Variants in LDHC observed in about 807,000 individuals in gnomAD.
LDHC encodes the protein L-lactate dehydrogenase C chain.
Under a neutral mutation model 30.2 loss-of-function variants are expected in LDHC, and 20 were observed. The observed-to-expected ratio is 0.66, with a 90% CI of 0.47 to 0.96. The LOEUF (loss-of-function observed/expected upper bound fraction) is 0.96, where lower values mean the gene tolerates loss of function less well. Ranked by LOEUF, LDHC falls within the 40% of genes least tolerant of loss-of-function variation. The pLI is 0.00. For synonymous variants in LDHC, 139 were observed against 132.7 expected, an observed-to-expected ratio of 1.05 and a Z score of -0.32; for missense variants, 362 against 394.9, an observed-to-expected ratio of 0.92 and a Z score of 0.71.
chr11:18,451,175 G>T lies in LDHC; in HGVS notation c.*48G>T, dbSNP rs763456464. ...CTGTTTGGAGAACAGAAGATAGCAG[G>T]CTGTGTATTTTAAATTTTGAAAGTA... On this transcript the variant is annotated 3_prime_UTR_variant, in exon 8 of 8. Transcript: ENST00000541669. The T allele has an allele frequency of 5.9e-6, 7 of 1,193,728 alleles. No homozygotes were observed. The highest frequency in any genetic ancestry group is 4.1e-5 in the South Asian group (2 of 48,720). 73.9% of individuals were successfully genotyped at this position (1,193,728 alleles called of 1,614,324 possible). A position where few individuals can be genotyped will look rare whatever the true frequency, so the allele number is the denominator to read the frequency against.
At chr11:18,435,648 T>C (rs781718937) in intron 5 of LDHC, among the ~76,000 whole-genome samples, 5 of 152,126 alleles carry the variant, frequency 3.3e-5, no homozygotes, top group Non-Finnish European at 7.3e-5. Context: ...ACCATAAAAT[T>C]CAACCAGCAA....
At chr11:18,433,767 A>G (rs1217338357) in intron 4 of LDHC, among the ~76,000 whole-genome samples, 1 of 152,160 alleles carries the variant, frequency 6.6e-6, no homozygotes, top group Non-Finnish European at 1.5e-5. Flanking sequence ...ACCTGATGAC[A>G]GTGTGCTAGG....
intron 4 of LDHC, among the ~76,000 whole-genome samples, chr11:18,433,198 C>A (rs1411905976): frequency 6.6e-6 from 1 of 152,004 alleles, no homozygotes; most frequent in Non-Finnish European, 1.5e-5. Flanking sequence ...CCAGCCTGCC[C>A]AACATAGTGA....
chr11:18,426,526 CAAA>C (rs33993685), intron 3 of LDHC, among the ~76,000 whole-genome samples: 6 of 111,508 alleles, frequency 5.4e-5, no homozygotes, highest in Non-Finnish European at 7.0e-5. Context: ...GACTCCGTCT[CAAA>C]AAAAAAAAAA....
intron 3 of LDHC, among the ~76,000 whole-genome samples, chr11:18,422,244 T>A (rs1848074298): frequency 6.9e-6 from 1 of 145,232 alleles, no homozygotes; most frequent in Non-Finnish European, 1.5e-5. Context: ...TTAGCAAGGA[T>A]GACAGACAAA....
At chr11:18,423,371 AT>A (rs567103678) in intron 3 of LDHC, among the ~76,000 whole-genome samples, 196 of 152,366 alleles carry the variant, frequency 1.3e-3, no homozygotes, top group African/African-American at 4.4e-3. Flanking sequence ...TTCAAGACTT[AT>A]TATAAAGCAC....
rs549243620 is a variant in LDHC at position 18,429,596 on chromosome 11, C to T, written c.245-141C>T. Reference sequence around the variant, plus strand: ...TCAGATTATAAAGGTTAGAAAAGTCCGTTCATCTCCAAAATGCCAGACATA... The same window carrying T: ...TCAGATTATAAAGGTTAGAAAAGTCTGTTCATCTCCAAAATGCCAGACATA... On this transcript the variant is annotated intron_variant, in intron 3 of 7. Coordinates refer to ENST00000541669, the MANE Select transcript of LDHC (RefSeq NM_017448.5). The T allele has an allele frequency of 4.2e-5, 19 of 457,312 alleles. No homozygotes were observed. In the South Asian group the frequency reaches 5.7e-4, roughly 14 times the overall value. The allele number at this position is 457,312 out of a possible 1,614,324, so 28.3% of individuals were successfully genotyped here.
At chr11:18,444,348 C>G (rs1032343440) in intron 6 of LDHC, among the ~76,000 whole-genome samples, 1 of 151,794 alleles carries the variant, frequency 6.6e-6, no homozygotes, top group Non-Finnish European at 1.5e-5. Flanking sequence ...AGATTTGTCC[C>G]CAGTAATCTA....
At chr11:18,431,099 G>A (rs1342963638) in intron 4 of LDHC, among the ~76,000 whole-genome samples, 3 of 151,752 alleles carry the variant, frequency 2.0e-5, no homozygotes, top group Admixed American at 2.0e-4. Flanking sequence ...CAGCCTGAGT[G>A]GCAGAGTGAA....
chr11:18,442,981 C>G (rs1169360768), intron 6 of LDHC, among the ~76,000 whole-genome samples: 1 of 152,062 alleles, frequency 6.6e-6, no homozygotes, highest in African/African-American at 2.4e-5. Context: ...TTTGGCCAAA[C>G]TATTTCCATA....
intron 5 of LDHC, among the ~76,000 whole-genome samples, chr11:18,436,346 T>C (rs1467912924): frequency 6.6e-6 from 1 of 152,094 alleles, no homozygotes; most frequent in African/African-American, 2.4e-5. Flanking sequence ...TGTTTTCCAT[T>C]GGATCTACTT....
At chr11:18,421,871 C>T (rs999264852) in intron 3 of LDHC, among the ~76,000 whole-genome samples, 1 of 152,114 alleles carries the variant, frequency 6.6e-6, no homozygotes, top group Admixed American at 6.6e-5. Flanking sequence ...TGCCTGTAGT[C>T]TCAGCACTTT....
At position 18,434,867 on chromosome 11, in the gene LDHC, C is replaced by A; in HGVS notation, c.546C>A (p.Pro182=). 1 of 1,613,292 alleles carries A rather than the reference C, an allele frequency of 6.2e-7. No homozygotes were observed. Among genetic ancestry groups the A allele is most frequent in the Non-Finnish European group, 8.5e-7 (1 of 1,179,282 alleles). The part of the protein sequence containing the change: ...YLIGEKLGVH[P]TSCHGWIIGE... ...TTGGAGAAAAGTTGGGTGTCCACCC[C>A]ACAAGCTGCCATGGTTGGATTATTG... is the stretch of plus-strand genomic sequence containing the variant. Residue 182 remains proline, a synonymous_variant, in exon 5 of 8, where the codon CCC becomes CCA. Coordinates refer to ENST00000541669, the MANE Select transcript of LDHC (RefSeq NM_017448.5).
intron 3 of LDHC, among the ~76,000 whole-genome samples, chr11:18,420,887 A>C (rs1013308586): frequency 2.0e-5 from 3 of 152,124 alleles, no homozygotes; most frequent in African/African-American, 4.8e-5. Context: ...GGGATTAAAA[A>C]ATTTTTGAAT....
rs1491226580 is a variant in LDHC at position 18,426,028 on chromosome 11, AAT to A, written c.245-3708_245-3707del. On this transcript the variant is annotated intron_variant, in intron 3 of 7. Transcript: ENST00000541669. ...TGATGGAACATCGTTGATTAGCCAC[AAT>A]TTTTTTTTTTTTTTACTTTTTAGTT... 3.6e-4 allele frequency among the ~76,000 whole-genome samples: 28 copies of A among 77,998 alleles called. No individual in the cohort carries two copies. In the East Asian group the frequency reaches 7.7e-3, roughly 21 times the overall value. 51.2% of individuals were successfully genotyped at this position (77,998 alleles called of 152,430 possible). A position where few individuals can be genotyped will look rare whatever the true frequency, so the allele number is the denominator to read the frequency against.
At chr11:18,447,482 C>T (rs1032801047) in intron 7 of LDHC, among the ~76,000 whole-genome samples, 13 of 151,752 alleles carry the variant, frequency 8.6e-5, no homozygotes, top group Non-Finnish European at 1.2e-4. Flanking sequence ...AGTAGGATAA[C>T]GGGAGTGGGA....
At chr11:18,418,012 A>C (rs1033251493) in intron 3 of LDHC, among the ~76,000 whole-genome samples, 2 of 151,876 alleles carry the variant, frequency 1.3e-5, no homozygotes, top group Non-Finnish European at 2.9e-5. Flanking sequence ...GGCACAAAGG[A>C]AGATCCTATT....
At position 18,412,751 on chromosome 11, in the gene LDHC, C is replaced by G. The variant is rs767111466; in HGVS notation, c.34C>G (p.Leu12Val). The G allele has an allele frequency of 1.2e-6, 2 of 1,613,922 alleles. No individual in the cohort carries two copies. The highest frequency in any genetic ancestry group is 2.2e-5 in the East Asian group (1 of 44,874). ...TGTCAAGGAGCAGCTAATTGAGAAG[C>G]TAATTGAGGATGATGAAAACTCCCA... ...STVKEQLIEK[L>V]IEDDENSQCK... Residue 12 changes from leucine to valine, a missense_variant, in exon 2 of 8, where the codon CTA becomes GTA. Leu to Val is a conservative substitution (Grantham distance 32). Coordinates refer to ENST00000541669, the MANE Select transcript of LDHC (RefSeq NM_017448.5).
chr11:18,418,198 G>T (rs575484371), intron 3 of LDHC, among the ~76,000 whole-genome samples: 17 of 150,176 alleles, frequency 1.1e-4, no homozygotes, highest in African/African-American at 4.2e-4. Context: ...CTGGTATTTA[G>T]TGACTTATAT....
Sources: allele counts gnomAD v4.1 joint callset (sites outside exome capture counted in the v4.1 genomes callset), GRCh38; gene constraint gnomAD v4.1.1; transcripts MANE v1.5; gene names NCBI Gene and HGNC (gene_info 2026-07-23, HGNC 2026-07-21).